NUP210L: variants seen among roughly 807,000 people sequenced by gnomAD.
The protein encoded by NUP210L is nucleoporin 210 like, also known as nuclear pore membrane glycoprotein 210-like.
NUP210L carries 74 observed loss-of-function variants against 208.5 expected under a neutral mutation model. The observed-to-expected ratio is 0.35, with a 90% CI of 0.29 to 0.43. NUP210L has a LOEUF of 0.43. Ranked by LOEUF, NUP210L falls within the 20% of genes least tolerant of loss-of-function variation. The probability of loss-of-function intolerance (pLI) is 1.00; values close to 1 mark genes in which losing one functional copy is unlikely to be tolerated. For missense variants in NUP210L, 1,843 were observed against 2,289.4 expected (o/e 0.81, Z 3.98); for synonymous variants, 780 against 816.9 (o/e 0.95, Z 0.77).
chr1:154,091,793 G>A (rs143954600), intron 15 of NUP210L, among the ~76,000 whole-genome samples: 32 of 151,202 alleles, frequency 2.1e-4, no homozygotes, highest in African/African-American at 5.6e-4. Context: ...GAGCCACTGC[G>A]CCCGGCCACA....
chr1:154,134,629 C>CG (rs1285457664), intron 7 of NUP210L, among the ~76,000 whole-genome samples: 1 of 139,130 alleles, frequency 7.2e-6, no homozygotes, highest in East Asian at 2.2e-4. Flanking sequence ...CCCAGCTACT[C>CG]GGGAGGCTGA....
At chr1:154,098,276 G>A (rs1378879544) in intron 14 of NUP210L, among the ~76,000 whole-genome samples, 18 of 152,174 alleles carry the variant, frequency 1.2e-4, no homozygotes, top group Admixed American at 1.2e-3. Context: ...CCCTGGCTTG[G>A]GGAGCTCCCA....
At chr1:154,001,396 C>T (rs1488870590) in intron 36 of NUP210L, among the ~76,000 whole-genome samples, 2 of 152,176 alleles carry the variant, frequency 1.3e-5, no homozygotes, top group African/African-American at 4.8e-5. Flanking sequence ...AGAGGTTTCA[C>T]CATGTTGGCC....
intron 15 of NUP210L, among the ~76,000 whole-genome samples, chr1:154,090,564 A>T (rs1200047298): frequency 6.6e-6 from 1 of 152,190 alleles, no homozygotes; most frequent in Non-Finnish European, 1.5e-5. Context: ...TAATCCCAGC[A>T]CTTTGGGAGG....
intron 10 of NUP210L, among the ~76,000 whole-genome samples, chr1:154,124,635 A>G (rs148166977): frequency 1.3e-5 from 2 of 152,288 alleles, no homozygotes; most frequent in East Asian, 3.9e-4. Context: ...GGCATATGAA[A>G]CCTTTGGATT....
In NUP210L at chr1:154,127,555, T is replaced by C. The variant is rs939818966; in HGVS notation, c.1079-138A>G. ...GGAGATGGTTTCCAAAGTAGGTTCT[T>C]TTTTTTTTTTTTTTTTTTTGAGAGT... On this transcript the variant is annotated intron_variant, in intron 8 of 39. Transcript: ENST00000368559. 5 of 4,536 alleles carry C rather than the reference T, an allele frequency of 1.1e-3. No individual in the cohort carries two copies. In the Admixed American group the frequency reaches 0.028, roughly 25 times the overall value. 0.3% of individuals were successfully genotyped at this position (4,536 alleles called of 1,614,324 possible).
rs1658742011 is a variant in NUP210L, at chr1:154,139,794, C to T, written c.717+8G>A. 4.4e-6 allele frequency: 7 copies of T among 1,601,662 alleles called. 1 individual carries two copies. In the South Asian group the frequency reaches 7.7e-5, roughly 18 times the overall value. The stretch of plus-strand genomic sequence containing the variant: ...GTAAGGAAAATTTATAGCACACAAA[C>T]TTTTTACCTTATAGAATGGTTCATG... On this transcript the variant is annotated splice_region_variant and intron_variant, in intron 5 of 39. Transcript: ENST00000368559.
At chr1:154,088,870 T>C (rs1482583737) in intron 16 of NUP210L, among the ~76,000 whole-genome samples, 3 of 152,206 alleles carry the variant, frequency 2.0e-5, no homozygotes, top group Non-Finnish European at 2.9e-5. Flanking sequence ...GATGTTCTAC[T>C]TTCTAGGATA....
chr1:154,129,461 T>C, intron 7 of NUP210L, 116 bp from the exon 8 acceptor site: 1 of 703,556 alleles, frequency 1.4e-6, no homozygotes, highest in Non-Finnish European at 2.4e-6. Context: ...AAAAATCCTA[T>C]CTTTTATTAT....
At chr1:153,996,284 T>A (rs1006785464) in intron 37 of NUP210L, among the ~76,000 whole-genome samples, 4 of 152,252 alleles carry the variant, frequency 2.6e-5, no homozygotes, top group Admixed American at 2.0e-4. Flanking sequence ...AGAGCCAGAC[T>A]CTATTTCAAA....
intron 13 of NUP210L, among the ~76,000 whole-genome samples, chr1:154,101,628 G>A (rs1656476075): frequency 6.6e-6 from 1 of 152,120 alleles, no homozygotes; most frequent in Non-Finnish European, 1.5e-5. Context: ...CAAAGATCAT[G>A]ACCTCAAGCA....
exon 14 of NUP210L, chr1:154,100,082 G>T (rs370625735): frequency 7.0e-5 from 113 of 1,613,694 alleles, no homozygotes; most frequent in Non-Finnish European, 9.2e-5. Context: ...CCAGAGTATG[G>T]CCAAGAGATT....
chr1:154,011,679 G>GTTTTT (rs34653809), intron 34 of NUP210L, among the ~76,000 whole-genome samples: 2 of 78,422 alleles, frequency 2.6e-5, no homozygotes, highest in African/African-American at 4.9e-5. Flanking sequence ...ATTATCTTAA[G>GTTTTT]TTTTTTTTTT....
intron 21 of NUP210L, 44 bp from the exon 22 acceptor site, chr1:154,058,260 C>T: frequency 1.2e-6 from 2 of 1,603,498 alleles, no homozygotes; most frequent in Non-Finnish European, 8.5e-7. Context: ...GTGTCTCATT[C>T]ACCAATGGCA....
At chr1:154,104,353 G>A (rs2148069929) in intron 12 of NUP210L, 143 bp from the exon 13 acceptor site, 3 of 667,572 alleles carry the variant, frequency 4.5e-6, no homozygotes, top group East Asian at 5.2e-5. Flanking sequence ...CATACAAGAA[G>A]TCACCTTCAT....
At chr1:154,063,041 T>C (rs1275981546) in intron 17 of NUP210L, among the ~76,000 whole-genome samples, 12 of 152,160 alleles carry the variant, frequency 7.9e-5, no homozygotes, top group Non-Finnish European at 1.5e-4. Context: ...ACATGCCAGG[T>C]GCTATGTTAG....
At chr1:154,071,105 T>G (rs1040707559) in intron 16 of NUP210L, among the ~76,000 whole-genome samples, 11 of 147,052 alleles carry the variant, frequency 7.5e-5, no homozygotes, top group African/African-American at 1.7e-4. Flanking sequence ...TTGTTTTTTG[T>G]TTTTTTTTTG....
chr1:154,003,707 C>T (rs1228520721), intron 35 of NUP210L, among the ~76,000 whole-genome samples: 1 of 151,182 alleles, frequency 6.6e-6, no homozygotes, highest in Non-Finnish European at 1.5e-5. Context: ...AGGCTGGTTT[C>T]AAACTCCTGG....
intron 12 of NUP210L, among the ~76,000 whole-genome samples, chr1:154,116,254 CA>C (rs34151144): frequency 0.34 from 31,389 of 91,410 alleles, 4,208 homozygotes; most frequent in Admixed American, 0.47. Context: ...GACTCCATCT[CA>C]AAAAAAAAAA....
Sources: gnomAD v4.1 joint callset for allele counts (sites outside exome capture counted in the v4.1 genomes callset) on GRCh38, gnomAD v4.1.1 for gene constraint, MANE v1.5 for transcripts, NCBI Gene and HGNC (gene_info 2026-07-23, HGNC 2026-07-21) for gene names.